ZMYM6: variants seen among roughly 807,000 people sequenced by gnomAD.
ZMYM6 encodes the protein zinc finger MYM-type protein 6.
A neutral mutation model predicts 134.0 loss-of-function variants in ZMYM6; 90 were observed. The ratio of observed to expected loss-of-function variants is 0.67; its 90% CI spans 0.57 to 0.80. The LOEUF (loss-of-function observed/expected upper bound fraction) is 0.80, where lower values mean the gene tolerates loss of function less well. Ranked by LOEUF, ZMYM6 falls within the 30% of genes least tolerant of loss-of-function variation. The pLI is 0.00. For synonymous variants in ZMYM6, 481 were observed against 524.1 expected (o/e 0.92, Z 1.12); for missense variants, 1,362 against 1,533.9 (o/e 0.89, Z 1.87).
At chr1:35,027,284 T>C (rs1225933387) in intron 2 of ZMYM6, among the ~76,000 whole-genome samples, 1 of 152,218 alleles carries the variant, frequency 6.6e-6, no homozygotes, top group African/African-American at 2.4e-5. Flanking sequence ...ATGGTTTGGA[T>C]GTCACATTGA....
chr1:34,996,439 G>A (rs1168316893), intron 14 of ZMYM6, among the ~76,000 whole-genome samples: 1 of 151,918 alleles, frequency 6.6e-6, no homozygotes, highest in Non-Finnish European at 1.5e-5. Context: ...AAAGATTCAC[G>A]TAATACACAA....
At position 34,987,305 on chromosome 1, in the gene ZMYM6, A is replaced by AAC; in HGVS notation, c.3776_3777insGT (p.Asn1259LysfsTer15). On this transcript the variant is annotated frameshift_variant, in exon 16 of 16. Coordinates refer to ENST00000357182, the MANE Select transcript of ZMYM6 (RefSeq NM_007167.4). LOFTEE classifies it high-confidence loss of function. Reference sequence around the variant, plus strand: ...GGAGTTCTGGGTAACTTGTCTTTGCATTTATCCAAAACTGAGTTACAGACA... The same window carrying AAC: ...GGAGTTCTGGGTAACTTGTCTTTGCAACTTTATCCAAAACTGAGTTACAGACA... 8 of 1,612,272 alleles carry AAC rather than the reference A, an allele frequency of 5.0e-6. No individual in the cohort carries two copies. Among genetic ancestry groups the AAC allele is most frequent in the Non-Finnish European group, 6.8e-6 (8 of 1,179,138 alleles).
In ZMYM6 at chr1:35,011,961, G is replaced by C; in HGVS notation, c.991C>G (p.Gln331Glu). The change falls in exon 8 of 16, where the codon CAG becomes GAG. Residue 331 changes from glutamine (Q) to glutamate (E), a missense_variant. Gln to Glu is a conservative substitution (Grantham distance 29, BLOSUM62 2). Around this residue, in one of 3 missense-constraint regions of ZMYM6, gnomAD observed 503 missense variants for 520.8 expected, o/e 0.97. Coordinates refer to ENST00000357182, the MANE Select transcript of ZMYM6 (RefSeq NM_007167.4). ...CHSCKTSAIP[Q>E]YHLAMSNGTI... ...CCATTTGACATGGCTAGGTGATACT[G>C]AGGGATTGCTGAGGTTTTACAACTA... 1 of 1,610,852 alleles carries C rather than the reference G, an allele frequency of 6.2e-7. No individual in the cohort carries two copies.
rs1458269341 is a variant in ZMYM6, at chr1:35,010,472, C to T, written c.1467G>A (p.Gly489=). 5 of 1,612,902 alleles carry T rather than the reference C, an allele frequency of 3.1e-6. No homozygotes were observed. The change falls in exon 10 of 16, where the codon GGG becomes GGA. Residue 489 remains glycine, a synonymous_variant. Transcript: ENST00000357182. ...CTTCACTACAGAATGGCTTATCAACCCCTGAGAATCGCACAGTCTCCTTTA... is the reference window on the plus strand; with the variant it reads ...CTTCACTACAGAATGGCTTATCAACTCCTGAGAATCGCACAGTCTCCTTTA... ...KIIKETVRFS[G]VDKPFCSEVC...
intron 15 of ZMYM6, chr1:34,990,324 CA>C (rs1470325509): frequency 4.5e-5 from 12 of 264,290 alleles, no homozygotes; most frequent in Admixed American, 3.7e-4. Context: ...ACTAAAAATA[CA>C]AAAGAAAATT....
intron 4 of ZMYM6, among the ~76,000 whole-genome samples, chr1:35,015,621 G>A (rs1056772958): frequency 1.3e-5 from 2 of 150,518 alleles, no homozygotes; most frequent in African/African-American, 4.9e-5. Flanking sequence ...CTACTCGGGA[G>A]GCTGAGGCAG....
intron 2 of ZMYM6, among the ~76,000 whole-genome samples, chr1:35,029,182 A>G (rs772062357): frequency 6.6e-6 from 1 of 152,182 alleles, no homozygotes; most frequent in Non-Finnish European, 1.5e-5. Flanking sequence ...TCTCAAAACA[A>G]AAACAAAAAA....
At chr1:35,005,091 A>T in intron 13 of ZMYM6, 41 bp downstream of exon 13, 1 of 1,610,024 alleles carries the variant, frequency 6.2e-7, no homozygotes, top group Non-Finnish European at 8.5e-7. Context: ...GACAACACTC[A>T]CTTCTATGGC....
chr1:34,993,240 T>C (rs371241865), intron 14 of ZMYM6, among the ~76,000 whole-genome samples: 1 of 151,892 alleles, frequency 6.6e-6, no homozygotes, highest in East Asian at 1.9e-4. Flanking sequence ...GCCTCCTGAG[T>C]AGCTGGGACC....
intron 6 of ZMYM6, 147 bp from the exon 7 acceptor site, chr1:35,012,728 G>A (rs901522950): frequency 3.6e-6 from 5 of 1,397,326 alleles, no homozygotes; most frequent in South Asian, 1.8e-5. Context: ...TTGGGAGGTG[G>A]GAAAATAAGT....
intron 14 of ZMYM6, among the ~76,000 whole-genome samples, chr1:35,003,312 G>A (rs1640912792): frequency 6.6e-6 from 1 of 152,062 alleles, no homozygotes. Flanking sequence ...CTGATACAGG[G>A]CAACAATGCC....
intron 1 of ZMYM6, 96 bp from the exon 2 acceptor site, chr1:35,030,809 T>C (rs1266356311): frequency 2.9e-5 from 18 of 617,920 alleles, no homozygotes; most frequent in Non-Finnish European, 4.9e-5. Context: ...CGGCTCGGCA[T>C]TTGAAAAACA....
At chr1:34,997,981 A>G (rs1440756138) in intron 14 of ZMYM6, among the ~76,000 whole-genome samples, 1 of 152,138 alleles carries the variant, frequency 6.6e-6, no homozygotes, top group Non-Finnish European at 1.5e-5. Context: ...AAATTCCCAC[A>G]TTTTAAATAT....
intron 2 of ZMYM6, among the ~76,000 whole-genome samples, chr1:35,027,114 G>A (rs773931012): frequency 3.9e-5 from 6 of 152,114 alleles, no homozygotes; most frequent in African/African-American, 1.2e-4. Context: ...TTCTTCCACC[G>A]GCACAAGAAA....
intron 3 of ZMYM6, among the ~76,000 whole-genome samples, chr1:35,019,995 C>T (rs1204541146): frequency 1.3e-5 from 2 of 152,076 alleles, no homozygotes; most frequent in African/African-American, 4.8e-5. Flanking sequence ...AGGACAAATT[C>T]CCAATCTTGA....
chr1:34,997,528 C>T (rs1640804844), intron 14 of ZMYM6, among the ~76,000 whole-genome samples: 1 of 152,160 alleles, frequency 6.6e-6, no homozygotes. Context: ...TGGTCTTGAA[C>T]TCCTGCCCTT....
chr1:35,013,820 T>C (rs2148454753), intron 6 of ZMYM6: 1 of 274,928 alleles, frequency 3.6e-6, no homozygotes, highest in Non-Finnish European at 5.5e-6. Flanking sequence ...GCCTCCTGAG[T>C]AGCTGGGATT....
At chr1:35,006,889 T>C in intron 12 of ZMYM6, 62 bp downstream of exon 12, 1 of 1,394,244 alleles carries the variant, frequency 7.2e-7, no homozygotes. Context: ...TATTTATAAC[T>C]GTATATGCTG....
rs1235860553 is a variant in ZMYM6 at position 34,988,141 on chromosome 1, C to T, written c.2941G>A (p.Asp981Asn). 3 of 1,551,306 alleles carry T rather than the reference C, an allele frequency of 1.9e-6. No individual in the cohort carries two copies. Among genetic ancestry groups the T allele is most frequent in the African/African-American group, 2.7e-5 (2 of 73,014 alleles). The change falls in exon 16 of 16, where the codon GAT becomes AAT. Residue 981 changes from aspartate (D) to asparagine (N), a missense_variant. Asp to Asn is a conservative substitution (Grantham distance 23, BLOSUM62 1). This residue lies in a region of ZMYM6 where 824 missense variants were observed against 940.9 expected (regional missense o/e 0.88). Transcript: ENST00000357182. Reference protein sequence around the residue: ...NWKHCVGLCTDGAASMTGRYS... With the variant: ...NWKHCVGLCTNGAASMTGRYS... Reference sequence around the variant, plus strand: ...CTGCCAGTCATGCTTGCAGCCCCATCGGTACAGAGACCAACACAATGTTTC... The same window carrying T: ...CTGCCAGTCATGCTTGCAGCCCCATTGGTACAGAGACCAACACAATGTTTC...
Sources: allele counts gnomAD v4.1 joint callset (sites outside exome capture counted in the v4.1 genomes callset), GRCh38; gene constraint gnomAD v4.1.1; regional missense constraint gnomAD v4.1.1; transcripts MANE v1.5; gene names NCBI Gene and HGNC (gene_info 2026-07-23, HGNC 2026-07-21).